RNFT2: variants seen among roughly 807,000 people sequenced by gnomAD.
RNFT2 encodes ring finger protein, transmembrane 2, also known as E3 ubiquitin-protein ligase RNFT2.
RNFT2 carries 36 observed loss-of-function variants against 53.0 expected under a neutral mutation model. The ratio of observed to expected loss-of-function variants is 0.68; its 90% CI spans 0.52 to 0.90. RNFT2 has a LOEUF of 0.90. Ranked by LOEUF, RNFT2 falls within the 40% of genes least tolerant of loss-of-function variation. The pLI is 0.00. For missense variants in RNFT2, 514 were observed against 585.6 expected, an observed-to-expected ratio of 0.88 and a Z score of 1.26; for synonymous variants, 260 against 253.2, an observed-to-expected ratio of 1.03 and a Z score of -0.26.
intron 7 of RNFT2, among the ~76,000 whole-genome samples, chr12:116,803,786 G>T (rs1032180669): frequency 6.6e-6 from 1 of 152,188 alleles, no homozygotes; most frequent in African/African-American, 2.4e-5. Context: ...AGTAGCAGGG[G>T]GATGAGACCT....
intron 6 of RNFT2, among the ~76,000 whole-genome samples, chr12:116,778,207 T>G (rs537161890): frequency 6.6e-6 from 1 of 152,110 alleles, no homozygotes; most frequent in African/African-American, 2.4e-5. Context: ...GGGACTGTTA[T>G]GGTTGGGTTT....
chr12:116,801,186 G>A (rs760846413), intron 7 of RNFT2: 2 of 152,218 alleles, frequency 1.3e-5, no homozygotes, highest in Non-Finnish European at 2.9e-5. Context: ...CTGAGCCCAG[G>A]GGGTGCCCTG....
rs756246780 is a variant in RNFT2 at position 116,851,751 on chromosome 12, AAAAG to A, written c.*2314_*2317del. 1.6e-3 allele frequency: 1,231 copies of A among 752,732 alleles called. 2 individuals are homozygous for A. Among genetic ancestry groups the A allele is most frequent in the African/African-American group, 0.013 (739 of 56,762 alleles). 46.6% of individuals were successfully genotyped at this position (752,732 alleles called of 1,614,324 possible). On this transcript the variant is annotated 3_prime_UTR_variant, in exon 11 of 11. Transcript: ENST00000257575. ...GTGAGTGAGACTCTGTCTAAAAAAA[AAAAG>A]AAAGAAAGAAGGGAGGGAGGGAGGA...
At chr12:116,763,796 G>T (rs1014962953) in intron 5 of RNFT2, among the ~76,000 whole-genome samples, 1 of 107,052 alleles carries the variant, frequency 9.3e-6, no homozygotes, top group South Asian at 2.3e-4. Flanking sequence ...AAAGGGGGCG[G>T]GGGGGGAAAG....
At position 116,849,453 on chromosome 12, in the gene RNFT2, G is replaced by T; in HGVS notation, c.*5G>T. ...GCACACTTCCAGGTGTACTAGGACCGAACACTGAGGACACCCAGAAGGACG... is the reference window on the plus strand; with the variant it reads ...GCACACTTCCAGGTGTACTAGGACCTAACACTGAGGACACCCAGAAGGACG... On this transcript the variant is annotated 3_prime_UTR_variant, in exon 11 of 11. Coordinates refer to ENST00000257575, the MANE Select transcript of RNFT2 (RefSeq NM_001382266.1). 6.3e-7 allele frequency: 1 copy of T among 1,581,202 alleles called. No homozygotes were observed. Among genetic ancestry groups the T allele is most frequent in the Non-Finnish European group, 8.6e-7 (1 of 1,163,284 alleles).
At chr12:116,814,337 A>G (rs1406143740) in intron 7 of RNFT2, among the ~76,000 whole-genome samples, 1 of 152,170 alleles carries the variant, frequency 6.6e-6, no homozygotes, top group Non-Finnish European at 1.5e-5. Flanking sequence ...TCAGTAGGCA[A>G]TATGTCAGAT....
chr12:116,821,802 C>CTTTTTTTTTTTTTTTTTTTTT (rs149043452), intron 7 of RNFT2, among the ~76,000 whole-genome samples: 1 of 43,930 alleles, frequency 2.3e-5, no homozygotes, highest in African/African-American at 1.0e-4. Flanking sequence ...CTACTTGTTT[C>CTTTTTTTTTTTTTTTTTTTTT]TTTTTTTTTT....
intron 7 of RNFT2, among the ~76,000 whole-genome samples, chr12:116,822,285 G>A (rs963383434): frequency 1.3e-5 from 2 of 151,952 alleles, no homozygotes; most frequent in South Asian, 2.1e-4. Context: ...GTTCCCAGAG[G>A]GAAGCAGGGC....
intron 10 of RNFT2, among the ~76,000 whole-genome samples, chr12:116,840,625 T>C (rs1056472402): frequency 6.6e-6 from 1 of 152,210 alleles, no homozygotes; most frequent in African/African-American, 2.4e-5. Flanking sequence ...CAGTCATCTA[T>C]GCTTTGAGGG....
At chr12:116,836,663 A>G (rs907241329) in intron 10 of RNFT2, among the ~76,000 whole-genome samples, 1 of 152,026 alleles carries the variant, frequency 6.6e-6, no homozygotes, top group African/African-American at 2.4e-5. Context: ...AGTGGCTCAC[A>G]CCTGTAATCC....
chr12:116,764,615 A>G (rs1161739551), intron 5 of RNFT2, among the ~76,000 whole-genome samples: 1 of 152,108 alleles, frequency 6.6e-6, no homozygotes, highest in African/African-American at 2.4e-5. Context: ...GGAGGGGGCA[A>G]GGACAGTGGC....
intron 6 of RNFT2, among the ~76,000 whole-genome samples, chr12:116,767,986 T>A (rs539283046): frequency 3.6e-4 from 55 of 152,268 alleles, no homozygotes; most frequent in African/African-American, 1.3e-3. Context: ...TAGTGAACAC[T>A]GTATGAATAG....
intron 7 of RNFT2, among the ~76,000 whole-genome samples, chr12:116,825,010 G>C (rs1458279403): frequency 2.0e-5 from 3 of 152,158 alleles, no homozygotes; most frequent in Non-Finnish European, 2.9e-5. Flanking sequence ...GACACACCGG[G>C]TACAGCTTGT....
chr12:116,750,343 C>T (rs1872132363), intron 4 of RNFT2, 36 bp downstream of exon 4: 23 of 1,561,036 alleles, frequency 1.5e-5, no homozygotes, highest in Non-Finnish European at 2.0e-5. Flanking sequence ...TAGCCATGGG[C>T]TTCACAGGCA....
intron 10 of RNFT2, among the ~76,000 whole-genome samples, chr12:116,846,901 ATTTTTT>A (rs34273674): frequency 8.9e-6 from 1 of 112,374 alleles, no homozygotes; most frequent in Non-Finnish European, 1.8e-5. Flanking sequence ...CATGCCCAGG[ATTTTTT>A]TTTTTTTTTT....
rs530675740 is a variant in RNFT2 at position 116,833,618 on chromosome 12, G to A, written c.883-174G>A. Among the ~76,000 whole-genome samples the A allele has an allele frequency of 1.1e-4, 17 of 152,310 alleles. No homozygotes were observed. The East Asian group carries it at 2.3e-3, about 21-fold the overall frequency. ...GGTGAGGGCAGTGGGCAGGGGCCGC[G>A]TCTCCCTGGCCATATCGCAGCCCCA... On this transcript the variant is annotated intron_variant, in intron 7 of 10. Coordinates refer to ENST00000257575, the MANE Select transcript of RNFT2 (RefSeq NM_001382266.1).
intron 10 of RNFT2, among the ~76,000 whole-genome samples, chr12:116,848,514 C>A (rs1877732693): frequency 6.6e-6 from 1 of 152,078 alleles, no homozygotes; most frequent in African/African-American, 2.4e-5. Context: ...GTACCTACAC[C>A]ATATGCACCC....
rs762013507 is a variant in RNFT2, at chr12:116,743,213, T to TAAAAAAAAAAA, written c.83+2140_83+2150dup. On this transcript the variant is annotated intron_variant, in intron 3 of 10. Coordinates refer to ENST00000257575, the MANE Select transcript of RNFT2 (RefSeq NM_001382266.1). ...TGATTAATAGATACCAGGTAGAATC[T>TAAAAAAAAAAA]AAAAAAAAAAAAAAAAAAAAAAAAA... Among the ~76,000 whole-genome samples the TAAAAAAAAAAA allele has an allele frequency of 5.8e-3, 62 of 10,672 alleles. 10 individuals are homozygous for TAAAAAAAAAAA. The highest frequency in any genetic ancestry group is 7.9e-3 in the Admixed American group (4 of 504). 7.0% of individuals were successfully genotyped at this position (10,672 alleles called of 152,430 possible). A position where few individuals can be genotyped will look rare whatever the true frequency, so the allele number is the denominator to read the frequency against.
rs966741776 is a variant in RNFT2, at chr12:116,772,822, C to T, written c.728+5908C>T. 2.0e-5 allele frequency among the ~76,000 whole-genome samples: 3 copies of T among 152,044 alleles called. No homozygotes were observed. The East Asian group carries it at 5.8e-4, about 29-fold the overall frequency. On this transcript the variant is annotated intron_variant, in intron 6 of 10. Coordinates refer to ENST00000257575, the MANE Select transcript of RNFT2 (RefSeq NM_001382266.1). ...AATGCACAAGAAATGTCAACAAATG[C>T]AAGGAGCATTTCTTTATTTATTTTG...
Sources: gnomAD v4.1 joint callset for allele counts (sites outside exome capture counted in the v4.1 genomes callset) on GRCh38, gnomAD v4.1.1 for gene constraint, MANE v1.5 for transcripts, NCBI Gene and HGNC (gene_info 2026-07-23, HGNC 2026-07-21) for gene names.